WDR44: variants seen among roughly 807,000 people sequenced by gnomAD.
WDR44 encodes WD repeat-containing protein 44.
Under a neutral mutation model 65.7 loss-of-function variants are expected in WDR44, and 9 were observed. The observed-to-expected ratio is 0.14, with a 90% CI of 0.08 to 0.24. WDR44 has a LOEUF of 0.24. WDR44 is among the 10% of genes least tolerant of loss of function. The probability of loss-of-function intolerance (pLI) is 1.00; values close to 1 mark genes in which losing one functional copy is unlikely to be tolerated. For missense variants in WDR44, 425 were observed against 670.9 expected (o/e 0.63, Z 4.05); for synonymous variants, 220 against 235.2 (o/e 0.94, Z 0.59).
chrX:118,366,879 C>T (rs991983475), intron 1 of WDR44, among the ~76,000 whole-genome samples: 1 of 111,550 alleles, frequency 9.0e-6, no homozygotes, highest in Non-Finnish European at 1.9e-5. Context: ...GGGCAGATGA[C>T]GAGGTCAGGA....
chrX:118,424,446 G>A (rs756959218), intron 12 of WDR44, among the ~76,000 whole-genome samples: 17 of 105,223 alleles, frequency 1.6e-4, no homozygotes, highest in Non-Finnish European at 2.7e-4. Context: ...GTGATGTTGA[G>A]CACCTTTTCA....
chrX:118,442,519 G>A (rs1450554274), intron 16 of WDR44, 46 bp from the exon 17 acceptor site: 4 of 1,125,326 alleles, frequency 3.6e-6, no homozygotes, highest in African/African-American at 3.6e-5. Flanking sequence ...AGCTTAGCTT[G>A]TACTAAAAGA....
chrX:118,404,250 A>T, intron 8 of WDR44, 88 bp from the exon 9 acceptor site: 1 of 622,760 alleles, frequency 1.6e-6, no homozygotes, highest in Non-Finnish European at 2.6e-6. Context: ...AAAGTAGTGT[A>T]CTTTATCAGT....
Position 118,346,464 on chromosome X carries a change from A to C in WDR44, c.-40A>C. 8.6e-7 allele frequency: 1 copy of C among 1,169,059 alleles called. No individual in the cohort carries two copies. ...AGGAGACAAGAGTCACCCTTCCTCCAGGCGGCGCCGGCCCCCTCACCCGCG... is the reference window on the plus strand; with the variant it reads ...AGGAGACAAGAGTCACCCTTCCTCCCGGCGGCGCCGGCCCCCTCACCCGCG... On this transcript the variant is annotated 5_prime_UTR_variant, in exon 1 of 20. Transcript: ENST00000254029.
At chrX:118,387,173 C>T in intron 2 of WDR44, among the ~76,000 whole-genome samples, 167 bp from the exon 3 acceptor site, 1 of 78,598 alleles carries the variant, frequency 1.3e-5, no homozygotes, top group South Asian at 7.6e-4. Context: ...CAGAGTAAAA[C>T]TCTGTCTCAA....
At chrX:118,398,237 C>CTAAA (rs1402406599) in intron 7 of WDR44, 150 bp from the exon 8 acceptor site, 18 of 397,154 alleles carry the variant, frequency 4.5e-5, no homozygotes, top group East Asian at 1.3e-4. Context: ...ACTCCATCTC[C>CTAAA]TAAATAAATA....
rs767138956 is a variant in WDR44, at chrX:118,365,683, G to A, written c.78-12736G>A. On this transcript the variant is annotated intron_variant, in intron 1 of 19. Transcript: ENST00000254029. ...AGAAAGTAATTTAGTGCTTAAAACCGGATTTTTGTGTGTGTGCAATATTCT... is the reference window on the plus strand; with the variant it reads ...AGAAAGTAATTTAGTGCTTAAAACCAGATTTTTGTGTGTGTGCAATATTCT... Among the ~76,000 whole-genome samples the A allele has an allele frequency of 2.3e-4, 26 of 111,409 alleles. 1 individual carries two copies. In the East Asian group the frequency reaches 5.4e-3, roughly 23 times the overall value.
At chrX:118,436,618 C>A in intron 13 of WDR44, 84 bp from the exon 14 acceptor site, 6 of 1,074,181 alleles carry the variant, frequency 5.6e-6, no homozygotes, top group Non-Finnish European at 6.4e-6. Context: ...TGTTGAGATA[C>A]AAAAACCAAA....
At position 118,442,545 on chromosome X, in the gene WDR44, T is replaced by C. The variant is rs911147770; in HGVS notation, c.2269-20T>C. ...TACTAAAAGATGATATTTTTAACTT[T>C]TCATTTGATCTACTTTTAGATATTG... On this transcript the variant is annotated intron_variant, in intron 16 of 19. Coordinates refer to ENST00000254029, the MANE Select transcript of WDR44 (RefSeq NM_019045.5). 15 of 1,182,771 alleles carry C rather than the reference T, an allele frequency of 1.3e-5. No homozygotes were observed. The East Asian group carries it at 1.8e-4, about 14-fold the overall frequency.
intron 12 of WDR44, among the ~76,000 whole-genome samples, chrX:118,424,299 GTATA>G (rs200000594): frequency 1.1e-4 from 8 of 74,528 alleles, no homozygotes; most frequent in South Asian, 6.0e-4. Flanking sequence ...GTGTGTATGT[GTATA>G]TATATATATG....
intron 8 of WDR44, among the ~76,000 whole-genome samples, chrX:118,399,655 C>G (rs1372852016): frequency 8.9e-6 from 1 of 111,889 alleles, no homozygotes; most frequent in African/African-American, 3.2e-5. Context: ...TATTCAAAGC[C>G]ATTATGCTTA....
At chrX:118,380,753 G>A (rs765575829) in intron 2 of WDR44, among the ~76,000 whole-genome samples, 32 of 111,966 alleles carry the variant, frequency 2.9e-4, no homozygotes, top group Admixed American at 9.6e-4. Flanking sequence ...TAGAATAGAC[G>A]TGTTAACTGC....
intron 2 of WDR44, among the ~76,000 whole-genome samples, chrX:118,382,951 T>C (rs1420697358): frequency 1.8e-5 from 2 of 112,012 alleles, no homozygotes; most frequent in East Asian, 2.8e-4. Context: ...TAAGTTGGCA[T>C]TGGTTGTCTG....
At chrX:118,393,549 G>A (rs1356403387) in intron 4 of WDR44, among the ~76,000 whole-genome samples, 2 of 107,773 alleles carry the variant, frequency 1.9e-5, no homozygotes, top group Non-Finnish European at 3.8e-5. Flanking sequence ...CCAAGGTCGC[G>A]CCATTGCACT....
chrX:118,373,277 TAAG>T (rs1467279706), intron 1 of WDR44, among the ~76,000 whole-genome samples: 6 of 111,054 alleles, frequency 5.4e-5, no homozygotes, highest in Admixed American at 4.8e-4. Context: ...GCGTGATAAT[TAAG>T]AAGGACAATT....
At chrX:118,377,389 C>A (rs2056670520) in intron 1 of WDR44, among the ~76,000 whole-genome samples, 1 of 110,393 alleles carries the variant, frequency 9.1e-6, no homozygotes, top group South Asian at 3.8e-4. Flanking sequence ...AAGCTGAGAA[C>A]AAAAATGGGT....
intron 1 of WDR44, among the ~76,000 whole-genome samples, chrX:118,352,318 TTATATATATATATATATA>T (rs1234642278): frequency 1.2e-4 from 2 of 16,868 alleles, no homozygotes; most frequent in African/African-American, 2.7e-4. Flanking sequence ...CCCAGCTAAT[TTATATATATATATATATA>T]TATATATATA....
chrX:118,352,703 G>T lies in WDR44; in HGVS notation c.77+6123G>T, dbSNP rs181020433. On this transcript the variant is annotated intron_variant, in intron 1 of 19. Transcript: ENST00000254029. ...ATTTGCCAGGCAAGCACCTTTAAGA[G>T]GCTGCTTGTTTCCTCCTCATACTCT... Among the ~76,000 whole-genome samples the T allele has an allele frequency of 6.4e-5, 7 of 109,868 alleles. No homozygotes were observed. In the East Asian group the frequency reaches 1.7e-3, roughly 27 times the overall value.
chrX:118,346,420 C>T lies in WDR44; in HGVS notation c.-84C>T. ...CGAGACCCACTTCCCCAGTCTCGCC[C>T]GGGTGGAGGTCGACGAGGAGGAGAC... On this transcript the variant is annotated 5_prime_UTR_variant, in exon 1 of 20. Transcript: ENST00000254029. The T allele has an allele frequency of 1.1e-6, 1 of 869,808 alleles. No homozygotes were observed. The highest frequency in any genetic ancestry group is 2.1e-5 in the South Asian group (1 of 48,629). 71.7% of individuals were successfully genotyped at this position (869,808 alleles called of 1,213,427 possible). A position where few individuals can be genotyped will look rare whatever the true frequency, so the allele number is the denominator to read the frequency against.
Sources: gnomAD v4.1 joint callset for allele counts (sites outside exome capture counted in the v4.1 genomes callset) on GRCh38, gnomAD v4.1.1 for gene constraint, MANE v1.5 for transcripts, NCBI Gene and HGNC (gene_info 2026-07-23, HGNC 2026-07-21) for gene names.